Variants in ADK observed in about 807,000 individuals in gnomAD.
ADK encodes the protein adenosine kinase, also known as N6,N6-dimethyladenosine kinase.
In ADK, 24 loss-of-function variants were observed where a neutral mutation model predicts 44.7. The ratio of observed to expected loss-of-function variants is 0.54; its 90% confidence interval spans 0.39 to 0.76. The LOEUF is 0.76. Among genes scored for constraint, ADK ranks in the 30% least tolerant of loss-of-function variants. The pLI, the probability that ADK is intolerant of heterozygous loss-of-function variation, is 0.00. For missense variants in ADK, 321 were observed against 425.1 expected (o/e 0.76, Z 2.15); for synonymous variants, 128 against 142.6 (o/e 0.90, Z 0.73).
rs1843377624 is a variant in ADK at position 74,392,714 on chromosome 10, C to T, written c.274-1427C>T. Among the ~76,000 whole-genome samples, 3 of 151,740 alleles carry T rather than the reference C, an allele frequency of 2.0e-5. No individual in the cohort carries two copies. The South Asian group carries it at 6.3e-4, about 32-fold the overall frequency. On this transcript the variant is annotated intron_variant, in intron 4 of 10. Coordinates refer to ENST00000539909, the MANE Select transcript of ADK (RefSeq NM_006721.4). ...CATATTTATGAAATCATTGCTAAAT[C>T]CAATGTCCTGAAGCTGTCCCCCATA...
In ADK at chr10:74,287,172, A is replaced by G. The variant is rs145218253; in HGVS notation, c.195-27495A>G. Reference sequence around the variant, plus strand: ...GAGTGAGTGGATATGATCGCTCAAGATAAATCTCTTGGCCGGGCGCAGTGG... The same window carrying G: ...GAGTGAGTGGATATGATCGCTCAAGGTAAATCTCTTGGCCGGGCGCAGTGG... On this transcript the variant is annotated intron_variant, in intron 3 of 10. Coordinates refer to ENST00000539909, the MANE Select transcript of ADK (RefSeq NM_006721.4). 2.9e-3 allele frequency among the ~76,000 whole-genome samples: 439 copies of G among 152,298 alleles called. 16 individuals carry two copies. In the East Asian group the frequency reaches 0.071, roughly 25 times the overall value.
Position 74,371,049 on chromosome 10 carries a change from A to G in ADK, c.274-23092A>G, listed in dbSNP as rs527370539. ...ATGTTTCCTTTTCAAACAACACATTATGATGAAAGATCAATTTTCAATGAA... is the reference window on the plus strand; with the variant it reads ...ATGTTTCCTTTTCAAACAACACATTGTGATGAAAGATCAATTTTCAATGAA... On this transcript the variant is annotated intron_variant, in intron 4 of 10. Transcript: ENST00000539909. Among the ~76,000 whole-genome samples, 6 of 152,374 alleles carry G rather than the reference A, an allele frequency of 3.9e-5. No individual in the cohort carries two copies. The South Asian group carries it at 1.2e-3, about 32-fold the overall frequency.
chr10:74,604,409 A>T (rs992936504), intron 9 of ADK, among the ~76,000 whole-genome samples: 6 of 152,270 alleles, frequency 3.9e-5, no homozygotes, highest in African/African-American at 1.4e-4. Context: ...TCTTTAATCC[A>T]TCTTGAGTTA....
chr10:74,534,539 T>C (rs188799768), intron 7 of ADK, among the ~76,000 whole-genome samples: 19 of 152,356 alleles, frequency 1.2e-4, no homozygotes, highest in African/African-American at 4.1e-4. Flanking sequence ...TATCATAACC[T>C]ACCATTGAAT....
At chr10:74,532,158 G>A (rs1849310302) in intron 7 of ADK, among the ~76,000 whole-genome samples, 1 of 152,128 alleles carries the variant, frequency 6.6e-6, no homozygotes, top group African/African-American at 2.4e-5. Context: ...AAAATCACAT[G>A]ATTATCCTAA....
rs533934109 is a variant in ADK, at chr10:74,706,339, C to T, written c.965-1982C>T. On this transcript the variant is annotated intron_variant, in intron 10 of 10. Coordinates refer to ENST00000539909, the MANE Select transcript of ADK (RefSeq NM_006721.4). ...TACTTTTTACCTCTTACTAAGTGAT[C>T]TTTAGCAAACCCAAGATCACTAAGA... is the stretch of plus-strand genomic sequence containing the variant. 5.3e-5 allele frequency among the ~76,000 whole-genome samples: 8 copies of T among 152,300 alleles called. No individual in the cohort carries two copies. In the East Asian group the frequency reaches 1.5e-3, roughly 29 times the overall value.
chr10:74,287,433 C>A (rs1847214322), intron 3 of ADK, among the ~76,000 whole-genome samples: 1 of 150,096 alleles, frequency 6.7e-6, no homozygotes, highest in South Asian at 2.1e-4. Context: ...CACTGCACTC[C>A]AGCCTGGGTG....
intron 3 of ADK, among the ~76,000 whole-genome samples, chr10:74,229,217 G>T (rs1379788189): frequency 6.6e-6 from 1 of 152,062 alleles, no homozygotes; most frequent in Non-Finnish European, 1.5e-5. Flanking sequence ...TTATGCAATA[G>T]GCATGAACCT....
At chr10:74,612,017 T>C (rs929266359) in intron 9 of ADK, among the ~76,000 whole-genome samples, 1 of 152,168 alleles carries the variant, frequency 6.6e-6, no homozygotes, top group Admixed American at 6.5e-5. Context: ...GATTGAATGG[T>C]AATCCTGTTT....
intron 3 of ADK, among the ~76,000 whole-genome samples, chr10:74,234,671 C>T (rs2132278015): frequency 6.6e-6 from 1 of 152,056 alleles, no homozygotes; most frequent in East Asian, 1.9e-4. Flanking sequence ...ATAAAGTGAG[C>T]TCATATTGAT....
intron 9 of ADK, among the ~76,000 whole-genome samples, chr10:74,640,994 G>A (rs980180735): frequency 2.6e-5 from 4 of 152,172 alleles, no homozygotes; most frequent in African/African-American, 9.7e-5. Context: ...AAAATACTCT[G>A]GCACCAAACT....
Position 74,156,160 on chromosome 10 carries a change from T to G in ADK, c.65+4817T>G, listed in dbSNP as rs1841744871. On this transcript the variant is annotated intron_variant, in intron 1 of 10. Transcript: ENST00000539909. ...ATCCAGGGACAAGCATGGAAGTGCT[T>G]GAAACTCAGGGAAAGTGGGAAGGGC... 2.0e-5 allele frequency among the ~76,000 whole-genome samples: 3 copies of G among 152,186 alleles called. 1 individual carries two copies. The South Asian group carries it at 6.2e-4, about 32-fold the overall frequency.
chr10:74,164,946 C>T (rs765140399), intron 1 of ADK, among the ~76,000 whole-genome samples: 4 of 152,182 alleles, frequency 2.6e-5, no homozygotes. Context: ...TCTTTACTCT[C>T]ATAAAACAGG....
At chr10:74,244,304 C>T (rs1040086288) in intron 3 of ADK, among the ~76,000 whole-genome samples, 11 of 151,986 alleles carry the variant, frequency 7.2e-5, no homozygotes, top group South Asian at 4.2e-4. Context: ...GTTTTATCTG[C>T]GACAATAAGT....
intron 3 of ADK, among the ~76,000 whole-genome samples, chr10:74,226,682 A>G (rs933674158): frequency 4.6e-5 from 7 of 151,942 alleles, no homozygotes; most frequent in Non-Finnish European, 1.0e-4. Context: ...AATTTCTTAT[A>G]AACTGAGTCA....
chr10:74,688,198 A>G (rs180809201), intron 10 of ADK, among the ~76,000 whole-genome samples: 21 of 152,320 alleles, frequency 1.4e-4, no homozygotes, highest in African/African-American at 4.8e-4. Flanking sequence ...ACTCTTCTGT[A>G]ATCATCCTAT....
intron 9 of ADK, among the ~76,000 whole-genome samples, chr10:74,663,104 G>A (rs1209243258): frequency 1.3e-5 from 2 of 151,816 alleles, no homozygotes; most frequent in Non-Finnish European, 2.9e-5. Context: ...GGGCATAGTG[G>A]TGCACGCCTG....
chr10:74,482,284 A>T (rs931399937), intron 6 of ADK, among the ~76,000 whole-genome samples: 2 of 152,148 alleles, frequency 1.3e-5, no homozygotes, highest in African/African-American at 4.8e-5. Context: ...GAAGGAAGTG[A>T]GACAAGGGGG....
chr10:74,426,481 C>T (rs1049778196), intron 6 of ADK, among the ~76,000 whole-genome samples: 9 of 151,864 alleles, frequency 5.9e-5, no homozygotes, highest in African/African-American at 1.9e-4. Context: ...TTACATGAAA[C>T]AAAAAGCAGA....
Sources: allele counts gnomAD v4.1 joint callset (sites outside exome capture counted in the v4.1 genomes callset), GRCh38; gene constraint gnomAD v4.1.1; transcripts MANE v1.5; gene names NCBI Gene and HGNC (gene_info 2026-07-23, HGNC 2026-07-21).